The following ZBTB20 variants were observed in gnomAD, a reference collection of about 807,000 sequenced individuals.
The protein encoded by ZBTB20 is zinc finger and BTB domain-containing protein 20.
Under a neutral mutation model 56.9 loss-of-function variants are expected in ZBTB20, and 9 were observed. That is an observed-to-expected ratio of 0.16 (90% CI 0.10 to 0.28). The LOEUF is 0.28. Among genes scored for constraint, ZBTB20 ranks in the 10% least tolerant of loss-of-function variants. The pLI is 1.00. For missense variants in ZBTB20, 655 were observed against 1,003.0 expected, an observed-to-expected ratio of 0.65 and a Z score of 4.69; for synonymous variants, 417 against 420.7, an observed-to-expected ratio of 0.99 and a Z score of 0.11.
At chr3:114,459,230 T>C (rs1315500990) in intron 7 of ZBTB20, among the ~76,000 whole-genome samples, 1 of 152,198 alleles carries the variant, frequency 6.6e-6, no homozygotes, top group Non-Finnish European at 1.5e-5. Flanking sequence ...CCTTCCTTCT[T>C]ATAAACTTCC....
At chr3:114,744,715 G>A (rs2066896446) in intron 5 of ZBTB20, among the ~76,000 whole-genome samples, 1 of 152,168 alleles carries the variant, frequency 6.6e-6, no homozygotes, top group Admixed American at 6.6e-5. Context: ...GACATGAATA[G>A]AATTTGCATT....
At chr3:115,025,253 T>C (rs539993013) in intron 2 of ZBTB20, among the ~76,000 whole-genome samples, 1 of 151,516 alleles carries the variant, frequency 6.6e-6, no homozygotes, top group South Asian at 2.1e-4. Flanking sequence ...GCCCTATCCA[T>C]CCATGTCCCT....
chr3:115,144,609 C>T (rs1265030230), intron 1 of ZBTB20, among the ~76,000 whole-genome samples: 1 of 152,114 alleles, frequency 6.6e-6, no homozygotes, highest in African/African-American at 2.4e-5. Flanking sequence ...GTTTCTCTTT[C>T]CTCTAGTATT....
intron 4 of ZBTB20, among the ~76,000 whole-genome samples, chr3:114,835,760 A>C (rs2074090832): frequency 6.6e-6 from 1 of 152,162 alleles, no homozygotes; most frequent in Non-Finnish European, 1.5e-5. Flanking sequence ...CTAATTCCTC[A>C]TGCCAGGCAC....
chr3:114,470,205 A>G (rs2039969718), intron 7 of ZBTB20, among the ~76,000 whole-genome samples: 1 of 152,136 alleles, frequency 6.6e-6, no homozygotes, highest in Admixed American at 6.5e-5. Flanking sequence ...AGATTACCCT[A>G]TGTTTCCCTT....
intron 4 of ZBTB20, among the ~76,000 whole-genome samples, chr3:114,837,338 G>A (rs889419089): frequency 1.3e-5 from 2 of 152,120 alleles, no homozygotes; most frequent in Non-Finnish European, 2.9e-5. Context: ...GTTCTTGGAT[G>A]TGTTAGTTAT....
intron 6 of ZBTB20, among the ~76,000 whole-genome samples, chr3:114,635,720 A>G (rs2059226564): frequency 6.6e-6 from 1 of 152,032 alleles, no homozygotes; most frequent in African/African-American, 2.4e-5. Flanking sequence ...AACAGTGAAC[A>G]TAAAGACAGA....
At chr3:114,896,014 T>C (rs926440643) in intron 4 of ZBTB20, among the ~76,000 whole-genome samples, 2 of 152,112 alleles carry the variant, frequency 1.3e-5, no homozygotes, top group African/African-American at 4.8e-5. Context: ...CATCACTGGG[T>C]TCCAAGATGG....
chr3:114,582,148 G>A (rs2054694869), intron 6 of ZBTB20: 1 of 152,100 alleles, frequency 6.6e-6, no homozygotes, highest in African/African-American at 2.4e-5. Context: ...TCACCTTCAA[G>A]GGGCACATAC....
At chr3:114,454,623 C>T (rs1029573526) in intron 7 of ZBTB20, 2 of 152,002 alleles carry the variant, frequency 1.3e-5, no homozygotes, top group African/African-American at 2.4e-5. Context: ...TTTCCCAAGA[C>T]AGGGAACTGT....
chr3:114,762,415 A>G (rs2068503882), intron 5 of ZBTB20, among the ~76,000 whole-genome samples: 1 of 152,118 alleles, frequency 6.6e-6, no homozygotes, highest in South Asian at 2.1e-4. Context: ...AAGTCCAGCC[A>G]CCCATAATTC....
At chr3:114,621,468 T>C (rs1265939283) in intron 6 of ZBTB20, among the ~76,000 whole-genome samples, 1 of 152,240 alleles carries the variant, frequency 6.6e-6, no homozygotes, top group African/African-American at 2.4e-5. Flanking sequence ...TACAATCATA[T>C]GATACAAGCA....
chr3:115,098,601 C>T (rs2083464870), intron 1 of ZBTB20, among the ~76,000 whole-genome samples: 1 of 152,110 alleles, frequency 6.6e-6, no homozygotes, highest in African/African-American at 2.4e-5. Context: ...TTTAAAAAAA[C>T]TGTTCAGGCA....
At chr3:114,474,697 A>G (rs2040542852) in intron 7 of ZBTB20, among the ~76,000 whole-genome samples, 1 of 151,752 alleles carries the variant, frequency 6.6e-6, no homozygotes, top group South Asian at 2.1e-4. Context: ...TCTGTTTATG[A>G]CTCTACTAAG....
chr3:114,463,575 A>T (rs2092419616), intron 7 of ZBTB20, among the ~76,000 whole-genome samples: 1 of 152,218 alleles, frequency 6.6e-6, no homozygotes, highest in Non-Finnish European at 1.5e-5. Context: ...ACTGAAGAAA[A>T]CATAGCATCC....
chr3:114,816,075 G>T (rs901480786), intron 4 of ZBTB20, among the ~76,000 whole-genome samples: 18 of 152,244 alleles, frequency 1.2e-4, no homozygotes, highest in African/African-American at 4.3e-4. Flanking sequence ...TGTGAACTCT[G>T]TCATGTAGAA....
chr3:114,497,990 T>A (rs1026411902), intron 7 of ZBTB20, among the ~76,000 whole-genome samples: 1 of 151,668 alleles, frequency 6.6e-6, no homozygotes, highest in Non-Finnish European at 1.5e-5. Flanking sequence ...ACAGTAAGAG[T>A]GAGGGATAAA....
At position 114,316,947 on chromosome 3, in the gene ZBTB20, T is replaced by A; in HGVS notation, c.*22058A>T. 5.1e-6 allele frequency: 1 copy of A among 196,688 alleles called. No homozygotes were observed. Among genetic ancestry groups the A allele is most frequent in the South Asian group, 7.9e-5 (1 of 12,592 alleles). 12.2% of individuals were successfully genotyped at this position (196,688 alleles called of 1,614,324 possible). On this transcript the variant is annotated 3_prime_UTR_variant, in exon 12 of 12. Transcript: ENST00000675478. ...AGCTCAGATGAGGAAGAATGAAGTA[T>A]TGTGTTTACGTATCAAAATTGCTAA...
intron 5 of ZBTB20, among the ~76,000 whole-genome samples, chr3:114,707,127 T>C (rs959106526): frequency 6.6e-6 from 1 of 152,180 alleles, no homozygotes; most frequent in Non-Finnish European, 1.5e-5. Flanking sequence ...TATGCACATT[T>C]TAATTAAGAG....
Sources: allele counts gnomAD v4.1 joint callset (sites outside exome capture counted in the v4.1 genomes callset), GRCh38; gene constraint gnomAD v4.1.1; transcripts MANE v1.5; gene names NCBI Gene and HGNC (gene_info 2026-07-23, HGNC 2026-07-21).